Variants in PLCG2 observed in about 807,000 individuals in gnomAD.
The protein encoded by PLCG2 is 1-phosphatidylinositol 4,5-bisphosphate phosphodiesterase gamma-2.
Under a neutral mutation model 175.6 loss-of-function variants are expected in PLCG2, and 69 were observed. That is an observed-to-expected ratio of 0.39 (90% CI 0.32 to 0.48). PLCG2 has a LOEUF of 0.48. Among genes scored for constraint, PLCG2 ranks in the 20% least tolerant of loss-of-function variants. PLCG2 has a pLI of 0.91. For missense variants in PLCG2, 1,798 were observed against 1,650.9 expected, an observed-to-expected ratio of 1.09 and a Z score of -1.54; for synonymous variants, 827 against 624.0, an observed-to-expected ratio of 1.33 and a Z score of -4.85.
rs766981162 is a variant in PLCG2 at position 81,785,959 on chromosome 16, G to A, written c.-31G>A. Reference sequence around the variant, plus strand: ...CCCTTTCAGCTTCCTGATTTCTCCCGATTCCTTCCTTCTCCCTGGAGCGGC... The same window carrying A: ...CCCTTTCAGCTTCCTGATTTCTCCCAATTCCTTCCTTCTCCCTGGAGCGGC... On this transcript the variant is annotated 5_prime_UTR_variant, in exon 2 of 33. Coordinates refer to ENST00000564138, the MANE Select transcript of PLCG2 (RefSeq NM_002661.5). 6.3e-6 allele frequency: 10 copies of A among 1,596,198 alleles called. No individual in the cohort carries two copies. The highest frequency in any genetic ancestry group is 2.7e-5 in the African/African-American group (2 of 74,232).
intron 2 of PLCG2, among the ~76,000 whole-genome samples, chr16:81,827,561 G>C (rs1905094096): frequency 6.6e-6 from 1 of 152,104 alleles, no homozygotes; most frequent in Admixed American, 6.5e-5. Context: ...CCTGCAGGCA[G>C]CTGGATAGGT....
intron 2 of PLCG2, among the ~76,000 whole-genome samples, chr16:81,829,088 T>G (rs1344067785): frequency 1.3e-5 from 2 of 152,128 alleles, no homozygotes; most frequent in African/African-American, 2.4e-5. Flanking sequence ...CATTCATTAA[T>G]GGGGTAGTTA....
At chr16:81,925,687 A>G (rs952023206) in intron 22 of PLCG2, among the ~76,000 whole-genome samples, 1 of 152,160 alleles carries the variant, frequency 6.6e-6, no homozygotes, top group Admixed American at 6.5e-5. Context: ...CAGGAGTTTG[A>G]GACCAGCCTG....
chr16:81,861,131 C>G (rs1906960504), intron 5 of PLCG2, among the ~76,000 whole-genome samples: 1 of 152,194 alleles, frequency 6.6e-6, no homozygotes, highest in South Asian at 2.1e-4. Flanking sequence ...TTGAGCTCTT[C>G]AGTCCTTGTC....
chr16:81,900,429 C>T (rs1043857173), intron 13 of PLCG2, among the ~76,000 whole-genome samples, 183 bp from the exon 14 acceptor site: 3 of 152,254 alleles, frequency 2.0e-5, no homozygotes, highest in Non-Finnish European at 2.9e-5. Context: ...TTCTGAGTCC[C>T]AAGACTTGTG....
At chr16:81,947,133 T>C (rs72824943) in intron 31 of PLCG2, among the ~76,000 whole-genome samples, 5,696 of 152,196 alleles carry the variant, frequency 0.037, 210 homozygotes, top group African/African-American at 0.092. Flanking sequence ...ACCGGAAACA[T>C]TATAAATAAT....
chr16:81,900,597 C>G lies in PLCG2; in HGVS notation c.1194-15C>G, dbSNP rs1413055841. ...TGCTCCCCCTGCCGAGCTGCCCACCCTCTTCTGCCTGCAGCTTCCCAGTGA... is the reference window on the plus strand; with the variant it reads ...TGCTCCCCCTGCCGAGCTGCCCACCGTCTTCTGCCTGCAGCTTCCCAGTGA... On this transcript the variant is annotated splice_polypyrimidine_tract_variant and intron_variant, in intron 13 of 32. Transcript: ENST00000564138. 1.9e-6 allele frequency: 3 copies of G among 1,581,450 alleles called. No individual in the cohort carries two copies. The highest frequency in any genetic ancestry group is 2.2e-5 in the South Asian group (2 of 89,394).
chr16:81,795,640 G>C (rs562871103), intron 2 of PLCG2, among the ~76,000 whole-genome samples: 2 of 152,140 alleles, frequency 1.3e-5, no homozygotes, highest in Non-Finnish European at 2.9e-5. Flanking sequence ...GATGGCTCAG[G>C]AGGTTGGAGG....
chr16:81,886,474 A>G (rs1441953002), intron 9 of PLCG2, among the ~76,000 whole-genome samples: 1 of 152,234 alleles, frequency 6.6e-6, no homozygotes, highest in African/African-American at 2.4e-5. Flanking sequence ...TCGATTCTAT[A>G]TCTGGAGTAA....
chr16:81,961,430 G>A lies in PLCG2; in HGVS notation c.*3432G>A, dbSNP rs968643447. ...AATAATTTAGTGAAATTTGGGCTAT[G>A]TGTTTATTGATTCAGCTCAATCCAG... On this transcript the variant is annotated 3_prime_UTR_variant, in exon 33 of 33. Coordinates refer to ENST00000564138, the MANE Select transcript of PLCG2 (RefSeq NM_002661.5). The A allele has an allele frequency of 2.7e-5, 6 of 226,356 alleles. No homozygotes were observed. Among genetic ancestry groups the A allele is most frequent in the African/African-American group, 1.3e-4 (6 of 44,986 alleles). 14.0% of individuals were successfully genotyped at this position (226,356 alleles called of 1,614,324 possible).
intron 1 of PLCG2, among the ~76,000 whole-genome samples, chr16:81,781,444 A>G (rs527445127): frequency 1.2e-4 from 18 of 151,442 alleles, no homozygotes; most frequent in Non-Finnish European, 2.2e-4. Context: ...TTTCTATTGC[A>G]ACTATTGCTT....
Position 81,903,600 on chromosome 16 carries a change from G to A in PLCG2, c.1363-1803G>A, listed in dbSNP as rs189285216. ...CAGCACTGTTTGCACCCAGGCAGTT[G>A]TTTCGGAGATGCCAAGGGATGCTTC... On this transcript the variant is annotated intron_variant, in intron 14 of 32. Transcript: ENST00000564138. 3.9e-5 allele frequency among the ~76,000 whole-genome samples: 6 copies of A among 152,334 alleles called. No homozygotes were observed. The East Asian group carries it at 1.2e-3, about 29-fold the overall frequency.
chr16:81,955,369 A>G (rs913749134), intron 31 of PLCG2, among the ~76,000 whole-genome samples: 1 of 152,224 alleles, frequency 6.6e-6, no homozygotes, highest in Non-Finnish European at 1.5e-5. Context: ...CTTGAACTCC[A>G]TCGGGAAAGG....
intron 14 of PLCG2, among the ~76,000 whole-genome samples, chr16:81,902,113 C>A (rs557457950): frequency 6.6e-6 from 1 of 152,312 alleles, no homozygotes; most frequent in African/African-American, 2.4e-5. Flanking sequence ...CTGTCCCGTC[C>A]TTTTCTCTAC....
rs112804572 is a variant in PLCG2 at position 81,881,911 on chromosome 16, C to T, written c.692+958C>T. 7.7e-3 allele frequency among the ~76,000 whole-genome samples: 1,179 copies of T among 152,156 alleles called. 17 individuals carry two copies. The highest frequency in any genetic ancestry group is 0.027 in the African/African-American group (1,130 of 41,498). On this transcript the variant is annotated intron_variant, in intron 8 of 32. Coordinates refer to ENST00000564138, the MANE Select transcript of PLCG2 (RefSeq NM_002661.5). ...AGGTGATCCACCTGCCTTGGCCTCC[C>T]GAAGTGCTGGGATTACAGGCATGTG...
intron 31 of PLCG2, among the ~76,000 whole-genome samples, chr16:81,954,939 A>T (rs1203173228): frequency 1.3e-5 from 2 of 152,144 alleles, no homozygotes; most frequent in Non-Finnish European, 2.9e-5. Context: ...TGGTTGAACT[A>T]ATTTTCATTC....
At chr16:81,917,267 T>C (rs965362245) in intron 19 of PLCG2, among the ~76,000 whole-genome samples, 3 of 151,968 alleles carry the variant, frequency 2.0e-5, no homozygotes, top group African/African-American at 7.3e-5. Context: ...TATTCCATTA[T>C]GTAAATGTAC....
intron 30 of PLCG2, among the ~76,000 whole-genome samples, chr16:81,940,451 G>A (rs1024487335): frequency 2.0e-5 from 3 of 149,162 alleles, no homozygotes; most frequent in African/African-American, 5.0e-5. Context: ...GAGACCTTTG[G>A]CATCTTGGGG....
intron 2 of PLCG2, among the ~76,000 whole-genome samples, chr16:81,797,414 G>A (rs1911517780): frequency 6.6e-6 from 1 of 152,204 alleles, no homozygotes; most frequent in African/African-American, 2.4e-5. Context: ...GTGCAGTTTG[G>A]GGTTGAAATC....
Sources: allele counts gnomAD v4.1 joint callset (sites outside exome capture counted in the v4.1 genomes callset), GRCh38; gene constraint gnomAD v4.1.1; transcripts MANE v1.5; gene names NCBI Gene and HGNC (gene_info 2026-07-23, HGNC 2026-07-21).